ETV1: variants seen among roughly 807,000 people sequenced by gnomAD.
ETV1 encodes the protein ETS variant transcription factor 1, also known as ETS translocation variant 1.
Under a neutral mutation model 62.3 loss-of-function variants are expected in ETV1, and 27 were observed. That is an observed-to-expected ratio of 0.43 (90% CI 0.32 to 0.60). The LOEUF is 0.60. Among genes scored for constraint, ETV1 ranks in the 20% least tolerant of loss-of-function variants. The probability of loss-of-function intolerance (pLI) is 0.06; values close to 1 mark genes in which losing one functional copy is unlikely to be tolerated. For synonymous variants in ETV1, 222 were observed against 199.6 expected (o/e 1.11, Z -0.94); for missense variants, 605 against 605.8 (o/e 1.00, Z 0.01).
intron 6 of ETV1, among the ~76,000 whole-genome samples, chr7:13,970,240 G>A (rs879596254): frequency 2.0e-5 from 3 of 149,646 alleles, no homozygotes; most frequent in Non-Finnish European, 3.0e-5. Flanking sequence ...CAGCCTGGGC[G>A]ACAGAGCGAG....
rs191713768 is a variant in ETV1 at position 13,913,978 on chromosome 7, G to A, written c.803-2671C>T. 2.1e-3 allele frequency among the ~76,000 whole-genome samples: 299 copies of A among 139,226 alleles called. 2 individuals are homozygous for A. Among genetic ancestry groups the A allele is most frequent in the African/African-American group, 7.4e-3 (278 of 37,566 alleles). The allele number at this position is 139,226 out of a possible 152,430, so 91.3% of individuals were successfully genotyped here. A position where few individuals can be genotyped will look rare whatever the true frequency, so the allele number is the denominator to read the frequency against. Reference sequence around the variant, plus strand: ...CAGCTCACTGCAAGCTCCGCCTCCCGGCTCAGGCCATTCTCCTGCCTCAGC... The same window carrying A: ...CAGCTCACTGCAAGCTCCGCCTCCCAGCTCAGGCCATTCTCCTGCCTCAGC... On this transcript the variant is annotated intron_variant, in intron 9 of 13. Transcript: ENST00000430479.
In ETV1 at chr7:13,896,004, T is replaced by G. The variant is rs944330475; in HGVS notation, c.1296A>C (p.Pro432=). 1 of 1,613,724 alleles carries G rather than the reference T, an allele frequency of 6.2e-7. No individual in the cohort carries two copies. The highest frequency in any genetic ancestry group is 8.5e-7 in the Non-Finnish European group (1 of 1,179,746). Residue 432 remains proline, a synonymous_variant, in exon 14 of 14, where the codon CCA becomes CCC. Coordinates refer to ENST00000430479, the MANE Select transcript of ETV1 (RefSeq NM_004956.5). Reference sequence around the variant, plus strand: ...GACGTTCCATGTCTGTCTTCAGCAGTGGACGCTGATTATCTGGAAAGGCCA... The same window carrying G: ...GACGTTCCATGTCTGTCTTCAGCAGGGGACGCTGATTATCTGGAAAGGCCA... The part of the protein sequence containing the change: ...FSMAFPDNQR[P]LLKTDMERHI...
At chr7:13,944,994 G>T (rs967224941) in intron 6 of ETV1, among the ~76,000 whole-genome samples, 7 of 152,098 alleles carry the variant, frequency 4.6e-5, no homozygotes, top group African/African-American at 1.4e-4. Context: ...AAGAGGCAGG[G>T]AATAGATTCC....
At chr7:13,961,034 C>G (rs1790102317) in intron 6 of ETV1, among the ~76,000 whole-genome samples, 1 of 151,810 alleles carries the variant, frequency 6.6e-6, no homozygotes, top group Non-Finnish European at 1.5e-5. Context: ...GGAGTCCCAG[C>G]TACTCAAGAG....
chr7:13,940,622 T>G (rs898935618), intron 6 of ETV1, among the ~76,000 whole-genome samples: 1 of 152,148 alleles, frequency 6.6e-6, no homozygotes, highest in Non-Finnish European at 1.5e-5. Flanking sequence ...CTAACTCTTA[T>G]AGAAACTGAA....
chr7:13,964,922 G>T (rs899085311), intron 6 of ETV1, among the ~76,000 whole-genome samples: 3 of 152,140 alleles, frequency 2.0e-5, no homozygotes, highest in African/African-American at 7.2e-5. Context: ...TTAAATTAAA[G>T]GTGTTGATAT....
chr7:13,967,008 A>G lies in ETV1; in HGVS notation c.235+10419T>C, dbSNP rs148541087. On this transcript the variant is annotated intron_variant, in intron 6 of 13. Transcript: ENST00000430479. ...CCTGTACAGACTACAACTGTGTAGCATATGTACCCAATAAATAAATTAATT... is the reference window on the plus strand; with the variant it reads ...CCTGTACAGACTACAACTGTGTAGCGTATGTACCCAATAAATAAATTAATT... Among the ~76,000 whole-genome samples, 319 of 152,328 alleles carry G rather than the reference A, an allele frequency of 2.1e-3. 3 individuals are homozygous for G. The highest frequency in any genetic ancestry group is 7.2e-3 in the African/African-American group (301 of 41,586).
intron 6 of ETV1, among the ~76,000 whole-genome samples, chr7:13,961,432 T>C (rs556753755): frequency 6.6e-5 from 10 of 152,310 alleles, no homozygotes; most frequent in African/African-American, 2.2e-4. Context: ...TTCATTTTTA[T>C]TATTTAAATA....
At chr7:13,957,027 G>A (rs1015418491) in intron 6 of ETV1, among the ~76,000 whole-genome samples, 1 of 151,906 alleles carries the variant, frequency 6.6e-6, no homozygotes, top group Non-Finnish European at 1.5e-5. Context: ...TTTTTAAAAC[G>A]TCAAACTATA....
intron 6 of ETV1, among the ~76,000 whole-genome samples, chr7:13,953,276 C>T (rs1465392737): frequency 6.6e-6 from 1 of 152,120 alleles, no homozygotes; most frequent in Non-Finnish European, 1.5e-5. Context: ...AAATCCACAC[C>T]TCTCAAAATT....
At chr7:13,963,121 TA>T (rs1007250233) in intron 6 of ETV1, among the ~76,000 whole-genome samples, 36 of 152,224 alleles carry the variant, frequency 2.4e-4, no homozygotes, top group Admixed American at 2.6e-4. Flanking sequence ...TATCCCAAGG[TA>T]ACTGTGAGAA....
chr7:13,942,922 G>A (rs934342239), intron 6 of ETV1, among the ~76,000 whole-genome samples: 2 of 151,826 alleles, frequency 1.3e-5, no homozygotes, highest in Admixed American at 6.6e-5. Flanking sequence ...CATGAAGTAG[G>A]AAAATATTTA....
In ETV1 at chr7:13,893,018, A is replaced by G; in HGVS notation, c.*2848T>C. The G allele has an allele frequency of 4.3e-6, 1 of 232,872 alleles. No individual in the cohort carries two copies. The highest frequency in any genetic ancestry group is 1.8e-4 in the South Asian group (1 of 5,528). 14.4% of individuals were successfully genotyped at this position (232,872 alleles called of 1,614,324 possible). On this transcript the variant is annotated 3_prime_UTR_variant, in exon 14 of 14. Coordinates refer to ENST00000430479, the MANE Select transcript of ETV1 (RefSeq NM_004956.5). ...AAGATCCGCCCATGATTTGAGAAAAATGTTCTGCACTGTCAGTCTTGTGGA... is the reference window on the plus strand; with the variant it reads ...AAGATCCGCCCATGATTTGAGAAAAGTGTTCTGCACTGTCAGTCTTGTGGA...
chr7:13,923,409 C>T (rs960033403), intron 9 of ETV1, among the ~76,000 whole-genome samples: 2 of 152,178 alleles, frequency 1.3e-5, no homozygotes, highest in Admixed American at 1.3e-4. Context: ...ACATTCCTCT[C>T]TTGCCATTTC....
intron 9 of ETV1, among the ~76,000 whole-genome samples, chr7:13,919,724 A>T (rs1784614269): frequency 6.6e-6 from 1 of 152,152 alleles, no homozygotes; most frequent in African/African-American, 2.4e-5. Context: ...CAAACCTATT[A>T]GTTAACTCAT....
chr7:13,907,744 T>G (rs1168934324), intron 11 of ETV1: 1 of 449,916 alleles, frequency 2.2e-6, no homozygotes, highest in East Asian at 7.0e-5. Context: ...GTAGTCATAC[T>G]AAGTGTGCAT....
At chr7:13,942,529 T>A (rs2128463387) in intron 6 of ETV1, among the ~76,000 whole-genome samples, 1 of 152,208 alleles carries the variant, frequency 6.6e-6, no homozygotes, top group South Asian at 2.1e-4. Context: ...TAGTACCCAG[T>A]AGTTATTTTT....
chr7:13,975,585 G>GAAAAAA (rs1781364635), intron 6 of ETV1, among the ~76,000 whole-genome samples: 1 of 89,786 alleles, frequency 1.1e-5, no homozygotes. Flanking sequence ...AAAAAGAAAA[G>GAAAAAA]AAAAGAAAAA....
chr7:13,959,443 T>C (rs1024970576), intron 6 of ETV1, among the ~76,000 whole-genome samples: 5 of 152,208 alleles, frequency 3.3e-5, no homozygotes, highest in African/African-American at 1.2e-4. Flanking sequence ...GCAGGAATCA[T>C]GTTTTTTAAA....
Sources: allele counts gnomAD v4.1 joint callset (sites outside exome capture counted in the v4.1 genomes callset), GRCh38; gene constraint gnomAD v4.1.1; transcripts MANE v1.5; gene names NCBI Gene and HGNC (gene_info 2026-07-23, HGNC 2026-07-21).